Variants in STAP1 observed in about 807,000 individuals in gnomAD.
The protein encoded by STAP1 is signal-transducing adaptor protein 1.
Under a neutral mutation model 37.8 loss-of-function variants are expected in STAP1, and 30 were observed. The observed-to-expected ratio is 0.79, with a 90% CI of 0.59 to 1.08. STAP1 has a LOEUF of 1.08. STAP1 is among the 50% of genes least tolerant of loss of function. The pLI is 0.00. For missense variants in STAP1, 357 were observed against 349.4 expected (o/e 1.02, Z -0.17); for synonymous variants, 130 against 116.0 (o/e 1.12, Z -0.78).
chr4:67,588,780 G>C (rs1728056669), intron 6 of STAP1, among the ~76,000 whole-genome samples: 1 of 152,156 alleles, frequency 6.6e-6, no homozygotes, highest in Admixed American at 6.5e-5. Flanking sequence ...GTGCTATGTT[G>C]AGTACTGGCA....
chr4:67,590,991 C>A, intron 7 of STAP1, 38 bp downstream of exon 7: 1 of 1,541,452 alleles, frequency 6.5e-7, no homozygotes, highest in African/African-American at 1.4e-5. Flanking sequence ...TGAACTTCCT[C>A]CCGATTCCTT....
At chr4:67,594,117 ACT>A (rs1728175947) in intron 8 of STAP1, among the ~76,000 whole-genome samples, 1 of 152,194 alleles carries the variant, frequency 6.6e-6, no homozygotes, top group African/African-American at 2.4e-5. Context: ...ACACATGGTC[ACT>A]GGCAAACTGT....
Position 67,581,447 on chromosome 4 carries a change from TG to T in STAP1, c.508del (p.Asp170MetfsTer3). 6.2e-7 allele frequency: 1 copy of T among 1,613,558 alleles called. No individual in the cohort carries two copies. The highest frequency in any genetic ancestry group is 8.5e-7 in the Non-Finnish European group (1 of 1,179,784). On this transcript the variant is annotated frameshift_variant, in exon 5 of 9. Coordinates refer to ENST00000265404, the MANE Select transcript of STAP1 (RefSeq NM_012108.4). LOFTEE classifies it high-confidence loss of function. ...EKEKEPTEDYVDVLNPMPACF... is the reference protein window; with the variant it reads ...EKEKEPTEDYXDVLNPMPACF... Reference sequence around the variant, plus strand: ...GAGAAGGAACCAACTGAAGATTATGTGGATGTACTGAACCCTATGCCAGCGT... The same window carrying T: ...GAGAAGGAACCAACTGAAGATTATGTGATGTACTGAACCCTATGCCAGCGT...
intron 6 of STAP1, among the ~76,000 whole-genome samples, chr4:67,588,228 C>T (rs559682157): frequency 2.0e-5 from 3 of 151,990 alleles, no homozygotes; most frequent in Middle Eastern, 6.8e-3. Flanking sequence ...ACCTAAGCAA[C>T]TTCAATGGAT....
chr4:67,598,128 C>T (rs909016722), intron 8 of STAP1, among the ~76,000 whole-genome samples: 6 of 152,214 alleles, frequency 3.9e-5, no homozygotes, highest in Admixed American at 2.0e-4. Context: ...GCAGTTTCTC[C>T]CATGCTGTTC....
At position 67,600,382 on chromosome 4, in the gene STAP1, A is replaced by AT. The variant is rs200634235; in HGVS notation, c.827-5905dup. Among the ~76,000 whole-genome samples the AT allele has an allele frequency of 1.1e-3, 164 of 150,720 alleles. 1 individual carries two copies. Among genetic ancestry groups the AT allele is most frequent in the East Asian group, 9.4e-3 (48 of 5,114 alleles). Reference sequence around the variant, plus strand: ...GGAGATGATGCTTGATATTACTTCAATTTTTTTTTAATGTTTTAAAGAGTT... The same window carrying AT: ...GGAGATGATGCTTGATATTACTTCAATTTTTTTTTTAATGTTTTAAAGAGTT... On this transcript the variant is annotated intron_variant, in intron 8 of 8. Coordinates refer to ENST00000265404, the MANE Select transcript of STAP1 (RefSeq NM_012108.4).
intron 1 of STAP1, among the ~76,000 whole-genome samples, chr4:67,561,146 C>G (rs371872587): frequency 7.9e-5 from 12 of 152,134 alleles, no homozygotes; most frequent in African/African-American, 2.7e-4. Flanking sequence ...TTGAGGTCTG[C>G]AAGTAATATG....
In STAP1 at chr4:67,588,102, A is replaced by G. The variant is rs569680402; in HGVS notation, c.660-2782A>G. On this transcript the variant is annotated intron_variant, in intron 6 of 8. Coordinates refer to ENST00000265404, the MANE Select transcript of STAP1 (RefSeq NM_012108.4). The stretch of plus-strand genomic sequence containing the variant: ...TCTGTTTTGAGGTCAGCATCAGGAA[A>G]TCTTAATATAGCAAATTCTATCAAT... Among the ~76,000 whole-genome samples, 13 of 150,406 alleles carry G rather than the reference A, an allele frequency of 8.6e-5. No individual in the cohort carries two copies. In the South Asian group the frequency reaches 2.1e-3, roughly 24 times the overall value.
chr4:67,587,953 A>T (rs1471897259), intron 6 of STAP1, among the ~76,000 whole-genome samples: 5 of 143,924 alleles, frequency 3.5e-5, no homozygotes, highest in South Asian at 2.2e-4. Flanking sequence ...CGAACTCCTG[A>T]CCTCAGATGA....
chr4:67,560,294 A>T (rs571814963), intron 1 of STAP1, among the ~76,000 whole-genome samples: 8 of 152,278 alleles, frequency 5.3e-5, no homozygotes, highest in African/African-American at 1.7e-4. Flanking sequence ...AATCTCCTTG[A>T]GACTGTTTCA....
intron 8 of STAP1, among the ~76,000 whole-genome samples, chr4:67,595,372 C>CAAAAAA (rs34185676): frequency 1.1e-4 from 10 of 87,788 alleles, no homozygotes; most frequent in African/African-American, 4.6e-4. Context: ...TTCGTTTCTA[C>CAAAAAA]AAAAAAAAAA....
chr4:67,559,390 C>T (rs960778800), intron 1 of STAP1, among the ~76,000 whole-genome samples: 5 of 151,984 alleles, frequency 3.3e-5, no homozygotes, highest in African/African-American at 7.2e-5. Flanking sequence ...TTAAAAATGG[C>T]TTTTGTAAAA....
intron 1 of STAP1, among the ~76,000 whole-genome samples, chr4:67,562,280 T>G (rs923035136): frequency 7.9e-5 from 12 of 151,594 alleles, no homozygotes; most frequent in Non-Finnish European, 1.3e-4. Context: ...AGGCGGAGGT[T>G]GCAGTGAGTC....
Position 67,606,410 on chromosome 4 carries a change from G to C in STAP1, c.*53G>C. The C allele has an allele frequency of 6.6e-7, 1 of 1,508,140 alleles. No homozygotes were observed. The allele number at this position is 1,508,140 out of a possible 1,614,324, so 93.4% of individuals were successfully genotyped here. On this transcript the variant is annotated 3_prime_UTR_variant, in exon 9 of 9. Coordinates refer to ENST00000265404, the MANE Select transcript of STAP1 (RefSeq NM_012108.4). ...TCTTGGTAATTTATATTTTCAAAACGAAGTTCTTACTTTTAAAGAGAATTA... is the reference window on the plus strand; with the variant it reads ...TCTTGGTAATTTATATTTTCAAAACCAAGTTCTTACTTTTAAAGAGAATTA...
chr4:67,599,237 A>T (rs1728288415), intron 8 of STAP1, among the ~76,000 whole-genome samples: 1 of 152,158 alleles, frequency 6.6e-6, no homozygotes, highest in African/African-American at 2.4e-5. Flanking sequence ...ATGACTTTGG[A>T]AGTATTTACT....
intron 4 of STAP1, among the ~76,000 whole-genome samples, 192 bp downstream of exon 4, chr4:67,577,451 C>G (rs757825858): frequency 6.6e-6 from 1 of 151,976 alleles, no homozygotes; most frequent in Non-Finnish European, 1.5e-5. Flanking sequence ...AACAAGTAAA[C>G]AGATGATCAT....
chr4:67,592,135 T>TG (rs1728131937), intron 7 of STAP1, among the ~76,000 whole-genome samples: 1 of 151,554 alleles, frequency 6.6e-6, no homozygotes. Context: ...GATTTTTTTT[T>TG]TTAGAGACAG....
intron 8 of STAP1, among the ~76,000 whole-genome samples, chr4:67,597,150 C>T (rs1577768956): frequency 6.6e-6 from 1 of 152,306 alleles, no homozygotes; most frequent in East Asian, 1.9e-4. Flanking sequence ...AGACATGGTG[C>T]CCTCTGTCCC....
chr4:67,585,219 AT>A (rs1250828483), intron 6 of STAP1, among the ~76,000 whole-genome samples: 1 of 152,184 alleles, frequency 6.6e-6, no homozygotes, highest in African/African-American at 2.4e-5. Context: ...GCTATTCCTT[AT>A]GGGGATAATA....
Sources: gnomAD v4.1 joint callset for allele counts (sites outside exome capture counted in the v4.1 genomes callset) on GRCh38, gnomAD v4.1.1 for gene constraint, MANE v1.5 for transcripts, NCBI Gene and HGNC (gene_info 2026-07-23, HGNC 2026-07-21) for gene names.